The following MGAM2 variants were observed in gnomAD, a reference collection of about 807,000 sequenced individuals.
MGAM2 encodes the protein probable maltase-glucoamylase 2.
MGAM2 carries 98 observed loss-of-function variants against 96.1 expected under a neutral mutation model. The ratio of observed to expected loss-of-function variants is 1.02; its 90% CI spans 0.87 to 1.21. The LOEUF (loss-of-function observed/expected upper bound fraction) is 1.21. Ranked by LOEUF, MGAM2 falls within the 50% of genes most tolerant of loss-of-function variation. The probability of loss-of-function intolerance (pLI) is 0.00; values close to 1 mark genes in which losing one functional copy is unlikely to be tolerated. For synonymous variants in MGAM2, 749 were observed against 414.8 expected (o/e 1.81, Z -9.79); for missense variants, 2,055 against 1,182.4 (o/e 1.74, Z -10.82).
rs748299647 is a variant in MGAM2, at chr7:142,183,950, C to CTTTTTT, written c.3924+612_3924+617dup. The stretch of plus-strand genomic sequence containing the variant: ...ACTGCTCTGGATGTATTCCAGGCTC[C>CTTTTTT]TTTTTTTTTTTTTTTTTTTTTTTTT... On this transcript the variant is annotated intron_variant, in intron 33 of 47. Coordinates refer to ENST00000477922, the MANE Select transcript of MGAM2 (RefSeq NM_001293626.2). Among the ~76,000 whole-genome samples, 71 of 46,144 alleles carry CTTTTTT rather than the reference C, an allele frequency of 1.5e-3. 21 individuals are homozygous for CTTTTTT. Among genetic ancestry groups the CTTTTTT allele is most frequent in the East Asian group, 4.7e-3 (6 of 1,280 alleles). 30.3% of individuals were successfully genotyped at this position (46,144 alleles called of 152,430 possible).
At chr7:142,203,226 G>T (rs929864489) in intron 45 of MGAM2, among the ~76,000 whole-genome samples, 1 of 152,072 alleles carries the variant, frequency 6.6e-6, no homozygotes, top group Non-Finnish European at 1.5e-5. Context: ...CTACTCTGTA[G>T]GTTGTCTACT....
At chr7:142,133,278 T>C (rs1188555317) in intron 6 of MGAM2, among the ~76,000 whole-genome samples, 1 of 145,596 alleles carries the variant, frequency 6.9e-6, no homozygotes, top group Non-Finnish European at 1.5e-5. Context: ...ATAATATATA[T>C]TTATATATTT....
At position 142,148,026 on chromosome 7, in the gene MGAM2, A is replaced by G. The variant is rs1021207631; in HGVS notation, c.1634+453A>G. On this transcript the variant is annotated intron_variant, in intron 15 of 47. Transcript: ENST00000477922. The surrounding 1 kb of genome is among the most constrained non-coding windows in gnomAD (Gnocchi z 4.2). ...TATTTATCTGGAAATGCTACACCAT[A>G]TCCTTCTATTTCCTTCCCAATGTCC... Among the ~76,000 whole-genome samples, 12 of 151,908 alleles carry G rather than the reference A, an allele frequency of 7.9e-5. No homozygotes were observed. Among genetic ancestry groups the G allele is most frequent in the African/African-American group, 2.9e-4 (12 of 41,452 alleles).
chr7:142,173,398 A>AT (rs1340940923), intron 31 of MGAM2, 44 bp downstream of exon 31: 3 of 694,018 alleles, frequency 4.3e-6, no homozygotes, highest in Non-Finnish European at 7.9e-6. Flanking sequence ...AGTTACAGGA[A>AT]TTTGTGGCTA....
intron 46 of MGAM2, among the ~76,000 whole-genome samples, chr7:142,216,654 A>G (rs1490285515): frequency 6.6e-6 from 1 of 152,182 alleles, no homozygotes; most frequent in Admixed American, 6.5e-5. Context: ...GCAAAATTCT[A>G]GGAAATTTAA....
chr7:142,170,350 A>C, intron 27 of MGAM2, 121 bp downstream of exon 27: 1 of 501,468 alleles, frequency 2.0e-6, no homozygotes, highest in Non-Finnish European at 3.5e-6. Flanking sequence ...CATTTGTTAG[A>C]GTATATCTAT....
chr7:142,141,050 C>G lies in MGAM2; in HGVS notation c.1248C>G (p.Tyr416Ter). Residue 416 changes from tyrosine to a stop codon, truncating the protein, a stop_gained, in exon 12 of 48, where the codon TAC becomes TAG. Transcript: ENST00000477922. LOFTEE classifies it high-confidence loss of function. The part of the protein sequence containing the change: ...MNPGISKNSN[Y>*]EPYNNGSLKR... ...CTGGCATCTCCAAAAACTCTAACTA[C>G]GAGCCCTATAATAATGGAAGCCTAA... is the stretch of plus-strand genomic sequence containing the variant. 2.9e-6 allele frequency: 2 copies of G among 701,498 alleles called. No individual in the cohort carries two copies. The highest frequency in any genetic ancestry group is 5.2e-6 in the Non-Finnish European group (2 of 384,436). 43.5% of individuals were successfully genotyped at this position (701,498 alleles called of 1,614,324 possible). A position where few individuals can be genotyped will look rare whatever the true frequency, so the allele number is the denominator to read the frequency against.
At chr7:142,169,360 C>A (rs10268907) in intron 26 of MGAM2, among the ~76,000 whole-genome samples, 1 of 151,702 alleles carries the variant, frequency 6.6e-6, no homozygotes, top group Admixed American at 6.6e-5. Context: ...TGGTGGAGAT[C>A]GCAGTAAGCC....
chr7:142,207,894 C>G (rs1252407869), intron 45 of MGAM2, among the ~76,000 whole-genome samples: 1 of 152,114 alleles, frequency 6.6e-6, no homozygotes, highest in Non-Finnish European at 1.5e-5. Context: ...GGAATAAATT[C>G]TACAGAGGCA....
At chr7:142,196,912 C>CA (rs1416889621) in intron 40 of MGAM2, 96 bp downstream of exon 40, 7 of 623,456 alleles carry the variant, frequency 1.1e-5, no homozygotes, top group Non-Finnish European at 2.0e-5. Flanking sequence ...TGAGAAAAAT[C>CA]AAAAAACATC....
intron 14 of MGAM2, 144 bp from the exon 15 acceptor site, chr7:142,147,312 G>C: frequency 1.8e-6 from 1 of 557,492 alleles, no homozygotes; most frequent in Non-Finnish European, 3.2e-6. Flanking sequence ...ATAGCATTTA[G>C]GATAGAATTT....
chr7:142,138,909 G>A (rs987786495), intron 10 of MGAM2, among the ~76,000 whole-genome samples: 8 of 152,072 alleles, frequency 5.3e-5, no homozygotes, highest in South Asian at 2.1e-4. Flanking sequence ...GCAATGTTGC[G>A]CCAGTTAATT....
chr7:142,212,768 CAGAT>C (rs1797627961), intron 46 of MGAM2, among the ~76,000 whole-genome samples: 1 of 152,102 alleles, frequency 6.6e-6, no homozygotes, highest in South Asian at 2.1e-4. Context: ...CAATATTAGA[CAGAT>C]CAACAAGACA....
At position 142,198,206 on chromosome 7, in the gene MGAM2, A is replaced by G; in HGVS notation, c.4923+11A>G. On this transcript the variant is annotated intron_variant, in intron 43 of 47. Transcript: ENST00000477922. ...TATGACTATAGCACGGTAAGAACTA[A>G]TATATTTGTGAAGAACCAGTTTGGT... 2 of 702,290 alleles carry G rather than the reference A, an allele frequency of 2.8e-6. No individual in the cohort carries two copies. Among genetic ancestry groups the G allele is most frequent in the South Asian group, 3.0e-5 (2 of 67,392 alleles). 43.5% of individuals were successfully genotyped at this position (702,290 alleles called of 1,614,324 possible).
chr7:142,209,803 G>A (rs1797522055), intron 46 of MGAM2, among the ~76,000 whole-genome samples: 1 of 152,102 alleles, frequency 6.6e-6, no homozygotes, highest in African/African-American at 2.4e-5. Flanking sequence ...TGTCTATCCA[G>A]TATGATAGCC....
intron 30 of MGAM2, among the ~76,000 whole-genome samples, 152 bp from the exon 31 acceptor site, chr7:142,173,077 A>G (rs1796247976): frequency 6.6e-6 from 1 of 152,194 alleles, no homozygotes; most frequent in African/African-American, 2.4e-5. Flanking sequence ...GCATGTCTGT[A>G]GTTGCTCCAC....
chr7:142,151,100 C>A (rs1254212614), intron 15 of MGAM2, among the ~76,000 whole-genome samples: 1 of 152,176 alleles, frequency 6.6e-6, no homozygotes, highest in Non-Finnish European at 1.5e-5. Flanking sequence ...ATTTTAGATG[C>A]TAATTTTCTC....
rs1326545192 is a variant in MGAM2 at position 142,143,786 on chromosome 7, A to G, written c.1335A>G (p.Thr445=). The G allele has an allele frequency of 8.8e-6, 6 of 679,964 alleles. No homozygotes were observed. Among genetic ancestry groups the G allele is most frequent in the Non-Finnish European group, 1.6e-5 (6 of 371,312 alleles). 42.1% of individuals were successfully genotyped at this position (679,964 alleles called of 1,614,324 possible). ...TGTCCTAGGGATATCCGGGACCGAC[A>G]GTCTTTCCCGATTATACCAATCCAG... is the stretch of plus-strand genomic sequence containing the variant. ...FAVGEGYPGP[T]VFPDYTNPVC... is the part of the protein sequence containing the mutation. The change falls in exon 13 of 48, where the codon ACA becomes ACG. Residue 445 remains threonine, a synonymous_variant. Coordinates refer to ENST00000477922, the MANE Select transcript of MGAM2 (RefSeq NM_001293626.2).
At position 142,164,940 on chromosome 7, in the gene MGAM2, GACAA is replaced by G. The variant is rs1203388597; in HGVS notation, c.2573_2576del (p.Lys858SerfsTer9). The G allele has an allele frequency of 1.4e-6, 1 of 702,762 alleles. No homozygotes were observed. The highest frequency in any genetic ancestry group is 2.3e-4 in the Middle Eastern group (1 of 4,370). The allele number at this position is 702,762 out of a possible 1,614,324, so 43.5% of individuals were successfully genotyped here. A position where few individuals can be genotyped will look rare whatever the true frequency, so the allele number is the denominator to read the frequency against. On this transcript the variant is annotated frameshift_variant, in exon 24 of 48. Transcript: ENST00000477922. LOFTEE classifies it high-confidence loss of function. ...CACAGATATCACAATCTTGGGAATG[GACAA>G]ACAGCCAGCTAATTTTATCGTCCTA...
Sources: allele counts gnomAD v4.1 joint callset (sites outside exome capture counted in the v4.1 genomes callset), GRCh38; gene constraint gnomAD v4.1.1; non-coding constraint Gnocchi (gnomAD v3.1); transcripts MANE v1.5; gene names NCBI Gene and HGNC (gene_info 2026-07-23, HGNC 2026-07-21).